The following AGBL4 variants were observed in gnomAD, a reference collection of about 807,000 sequenced individuals.
AGBL4 encodes AGBL carboxypeptidase 4.
AGBL4 carries 58 observed loss-of-function variants against 66.4 expected under a neutral mutation model. That is an observed-to-expected ratio of 0.87 (90% CI 0.71 to 1.09). The LOEUF (loss-of-function observed/expected upper bound fraction) is 1.09, where lower values mean the gene tolerates loss of function less well. Ranked by LOEUF, AGBL4 falls within the 50% of genes least tolerant of loss-of-function variation. The pLI is 0.00. For missense variants in AGBL4, 579 were observed against 631.0 expected (o/e 0.92, Z 0.88); for synonymous variants, 234 against 222.9 (o/e 1.05, Z -0.44).
intron 4 of AGBL4, among the ~76,000 whole-genome samples, chr1:49,232,755 GT>G (rs10716787): frequency 0.99 from 150,233 of 151,436 alleles, 74,531 homozygotes; most frequent in East Asian, 1. Flanking sequence ...TGACTTTATG[GT>G]TTTTTTGTTT....
chr1:49,408,024 A>C (rs573504633), intron 3 of AGBL4, among the ~76,000 whole-genome samples: 2 of 152,272 alleles, frequency 1.3e-5, no homozygotes, highest in South Asian at 4.1e-4. Flanking sequence ...CCCAGCTCAG[A>C]CACCCCATTT....
chr1:49,505,896 C>T (rs574088223), intron 3 of AGBL4, among the ~76,000 whole-genome samples: 225 of 151,934 alleles, frequency 1.5e-3, no homozygotes, highest in African/African-American at 4.9e-3. Context: ...CTATAATTCC[C>T]GTAAACTTTC....
In AGBL4 at chr1:49,604,809, G is replaced by T. The variant is rs373639843; in HGVS notation, c.282+92504C>A. 3.4e-4 allele frequency among the ~76,000 whole-genome samples: 52 copies of T among 152,076 alleles called. 1 individual carries two copies. In the South Asian group the frequency reaches 9.5e-3, roughly 28 times the overall value. Reference sequence around the variant, plus strand: ...CTTTTACCCTCCGAAACTAAAAAGGGAATTTCTCATCTCTTCTCAGGCATA... The same window carrying T: ...CTTTTACCCTCCGAAACTAAAAAGGTAATTTCTCATCTCTTCTCAGGCATA... On this transcript the variant is annotated intron_variant, in intron 3 of 13. Coordinates refer to ENST00000371839, the MANE Select transcript of AGBL4 (RefSeq NM_032785.4).
At chr1:49,213,354 T>A (rs1171736404) in intron 4 of AGBL4, among the ~76,000 whole-genome samples, 1 of 152,116 alleles carries the variant, frequency 6.6e-6, no homozygotes, top group African/African-American at 2.4e-5. Flanking sequence ...AATCTTGTGG[T>A]GAATTATAAT....
chr1:48,965,990 C>G (rs2148946656), intron 5 of AGBL4, among the ~76,000 whole-genome samples: 1 of 152,188 alleles, frequency 6.6e-6, no homozygotes, highest in African/African-American at 2.4e-5. Flanking sequence ...AGGTAGAATT[C>G]TCACTTCACT....
chr1:49,349,492 A>C (rs1645704723), intron 3 of AGBL4, among the ~76,000 whole-genome samples: 1 of 152,122 alleles, frequency 6.6e-6, no homozygotes, highest in Non-Finnish European at 1.5e-5. Flanking sequence ...ATCTCAGTTC[A>C]AATATTCACC....
intron 2 of AGBL4, among the ~76,000 whole-genome samples, chr1:49,778,876 G>A (rs947436067): frequency 2.0e-5 from 3 of 152,076 alleles, no homozygotes; most frequent in Non-Finnish European, 2.9e-5. Context: ...TTGGGTTATG[G>A]TTATACTATA....
chr1:48,860,158 T>A (rs1362469286), intron 6 of AGBL4, among the ~76,000 whole-genome samples: 1 of 152,204 alleles, frequency 6.6e-6, no homozygotes, highest in Non-Finnish European at 1.5e-5. Context: ...CTTCCTCATA[T>A]TGCCTCCCTT....
chr1:49,320,891 G>A (rs1048897372), intron 3 of AGBL4, among the ~76,000 whole-genome samples: 1 of 152,154 alleles, frequency 6.6e-6, no homozygotes, highest in Non-Finnish European at 1.5e-5. Flanking sequence ...AGCAAGGCAT[G>A]TCTTCACAAG....
intron 6 of AGBL4, among the ~76,000 whole-genome samples, chr1:48,740,735 C>A (rs1186060554): frequency 4.6e-5 from 7 of 152,108 alleles, no homozygotes; most frequent in Non-Finnish European, 8.8e-5. Flanking sequence ...GAGATTAAGG[C>A]CTCTGATCGT....
chr1:49,115,105 T>C (rs1645489372), intron 4 of AGBL4, among the ~76,000 whole-genome samples: 1 of 152,094 alleles, frequency 6.6e-6, no homozygotes, highest in African/African-American at 2.4e-5. Context: ...TAAAGTGCAA[T>C]AAAGCAAAAT....
At chr1:49,259,239 C>A (rs1246056044) in intron 3 of AGBL4, among the ~76,000 whole-genome samples, 1 of 152,026 alleles carries the variant, frequency 6.6e-6, no homozygotes, top group Non-Finnish European at 1.5e-5. Flanking sequence ...TAGGAAGAAA[C>A]TGCATCAACT....
chr1:48,818,266 T>C, intron 6 of AGBL4: 1 of 717,414 alleles, frequency 1.4e-6, no homozygotes, highest in Non-Finnish European at 2.6e-6. Flanking sequence ...TTGCAATCAA[T>C]ATTATCTCCG....
intron 3 of AGBL4, among the ~76,000 whole-genome samples, chr1:49,278,060 A>G (rs1049618127): frequency 6.6e-6 from 1 of 152,196 alleles, no homozygotes; most frequent in Non-Finnish European, 1.5e-5. Context: ...AGAAGAGGAA[A>G]CTGAAGCTCT....
At chr1:48,577,489 T>G (rs1338601825) in intron 11 of AGBL4, among the ~76,000 whole-genome samples, 5 of 152,168 alleles carry the variant, frequency 3.3e-5, no homozygotes, top group Non-Finnish European at 5.9e-5. Context: ...GCATTTCAAA[T>G]TATGGCCATA....
chr1:48,698,519 C>T (rs1646750309), intron 6 of AGBL4, among the ~76,000 whole-genome samples: 2 of 152,220 alleles, frequency 1.3e-5, no homozygotes. Flanking sequence ...TGAGCTCCTC[C>T]ACTGCTCACA....
intron 3 of AGBL4, among the ~76,000 whole-genome samples, chr1:49,599,738 C>T (rs1209040636): frequency 2.6e-5 from 4 of 152,078 alleles, no homozygotes; most frequent in Non-Finnish European, 5.9e-5. Context: ...TCGCTTTCTC[C>T]TGTGGGCATT....
At chr1:49,120,727 A>G (rs1442155142) in intron 4 of AGBL4, among the ~76,000 whole-genome samples, 1 of 152,022 alleles carries the variant, frequency 6.6e-6, no homozygotes, top group Non-Finnish European at 1.5e-5. Flanking sequence ...TGTTCTCTAT[A>G]TTTCCTGAAT....
At chr1:48,766,252 A>C (rs1185466224) in intron 6 of AGBL4, among the ~76,000 whole-genome samples, 2 of 152,158 alleles carry the variant, frequency 1.3e-5, no homozygotes, top group African/African-American at 4.8e-5. Flanking sequence ...GCTCAAAGAA[A>C]CAAAACTCTC....
Sources: gnomAD v4.1 joint callset for allele counts (sites outside exome capture counted in the v4.1 genomes callset) on GRCh38, gnomAD v4.1.1 for gene constraint, MANE v1.5 for transcripts, NCBI Gene and HGNC (gene_info 2026-07-23, HGNC 2026-07-21) for gene names.